The following SLC34A1 variants were observed in gnomAD, a reference collection of about 807,000 sequenced individuals.
SLC34A1 encodes sodium-dependent phosphate transport protein 2A.
Under a neutral mutation model 51.4 loss-of-function variants are expected in SLC34A1, and 57 were observed. The observed-to-expected ratio is 1.11, with a 90% CI of 0.90 to 1.38. SLC34A1 has a LOEUF of 1.38. Among genes scored for constraint, SLC34A1 ranks in the 40% most tolerant of loss-of-function variants. The probability of loss-of-function intolerance (pLI) is 0.00; values close to 1 mark genes in which losing one functional copy is unlikely to be tolerated. For synonymous variants in SLC34A1, 368 were observed against 358.0 expected (o/e 1.03, Z -0.32); for missense variants, 796 against 835.6 (o/e 0.95, Z 0.58).
intron 8 of SLC34A1, among the ~76,000 whole-genome samples, chr5:177,390,923 T>C (rs1561631396): frequency 6.6e-6 from 1 of 152,064 alleles, no homozygotes; most frequent in Non-Finnish European, 1.5e-5. Context: ...TGGGTAGCAT[T>C]ATGGACTTCA....
At chr5:177,391,039 C>T (rs1250073302) in intron 8 of SLC34A1, among the ~76,000 whole-genome samples, 1 of 152,158 alleles carries the variant, frequency 6.6e-6, no homozygotes, top group East Asian at 1.9e-4. Context: ...TGTCCACAGG[C>T]CCATTCTGTT....
rs749835623 is a variant in SLC34A1 at position 177,387,918 on chromosome 5, G to A, written c.644+45G>A. On this transcript the variant is annotated intron_variant, in intron 6 of 12. Transcript: ENST00000324417. ...GGGGGCTCGTGCCTGGGGGAGGACAGCCCCAGATGCCAGGAACCCCAGGCG... is the reference window on the plus strand; with the variant it reads ...GGGGGCTCGTGCCTGGGGGAGGACAACCCCAGATGCCAGGAACCCCAGGCG... 4.4e-6 allele frequency: 7 copies of A among 1,607,658 alleles called. No individual in the cohort carries two copies. In the African/African-American group the frequency reaches 5.3e-5, roughly 12 times the overall value.
chr5:177,387,837 C>A lies in SLC34A1; in HGVS notation c.608C>A (p.Ala203Asp), dbSNP rs751877533. Residue 203 changes from alanine to aspartate, a missense_variant, in exon 6 of 13, where the codon GCC (alanine) becomes GAC (aspartate). Physicochemically the swap from Ala to Asp is moderately radical, Grantham distance 126 (BLOSUM62 -2). Coordinates refer to ENST00000324417, the MANE Select transcript of SLC34A1 (RefSeq NM_003052.5). ...IGTSVTNTIV[A>D]LMQAGDRTDF... Reference sequence around the variant, plus strand: ...ACCTCTGTCACCAACACCATCGTGGCCCTGATGCAGGCGGGGGACAGGACT... The same window carrying A: ...ACCTCTGTCACCAACACCATCGTGGACCTGATGCAGGCGGGGGACAGGACT... 1.2e-6 allele frequency: 2 copies of A among 1,613,658 alleles called. No individual in the cohort carries two copies. Among genetic ancestry groups the A allele is most frequent in the Non-Finnish European group, 1.7e-6 (2 of 1,179,930 alleles).
rs1414228548 is a variant in SLC34A1 at position 177,385,781 on chromosome 5, T to G, written c.40T>G (p.Ser14Ala). The G allele has an allele frequency of 8.1e-6, 13 of 1,613,080 alleles. No homozygotes were observed. The highest frequency in any genetic ancestry group is 1.0e-5 in the Non-Finnish European group (12 of 1,179,816). Residue 14 changes from serine to alanine, a missense_variant, in exon 2 of 13, where the codon TCC becomes GCC. By Grantham distance (99) the Ser-to-Ala change is moderately conservative. Coordinates refer to ENST00000324417, the MANE Select transcript of SLC34A1 (RefSeq NM_003052.5). ...AGAGAGGCTGGGGTCCCCTGCTGTC[T>G]CCCCACTCCCAGTCCGTGGGGGGCA... ...YGERLGSPAVSPLPVRGGHVM... is the reference protein window; with the variant it reads ...YGERLGSPAVAPLPVRGGHVM...
intron 8 of SLC34A1, among the ~76,000 whole-genome samples, chr5:177,392,009 C>G (rs115706230): frequency 1.1e-4 from 17 of 152,226 alleles, no homozygotes; most frequent in African/African-American, 4.1e-4. Context: ...CCCATCGCAG[C>G]CTATTTTTTC....
At chr5:177,385,923 C>T (rs371196387) in intron 2 of SLC34A1, 64 bp from the exon 3 acceptor site, 43 of 1,610,040 alleles carry the variant, frequency 2.7e-5, no homozygotes, top group Non-Finnish European at 3.5e-5. Flanking sequence ...CCACTTCCCC[C>T]GCCTGTTCCT....
intron 5 of SLC34A1, 139 bp from the exon 6 acceptor site, chr5:177,387,623 G>A (rs1482600181): frequency 1.8e-5 from 14 of 757,364 alleles, no homozygotes; most frequent in African/African-American, 3.4e-5. Context: ...CACCTGTGAC[G>A]CCAACGTTAG....
rs1376095112 is a variant in SLC34A1, at chr5:177,398,557, A to G, written c.*271A>G. ...AGGTGTACACAGACACACCTGTGGG[A>G]GGCTGTGTGCAGGCTGCAGGATATC... On this transcript the variant is annotated 3_prime_UTR_variant, in exon 13 of 13. Coordinates refer to ENST00000324417, the MANE Select transcript of SLC34A1 (RefSeq NM_003052.5). This position sits in a 1 kb window ranked among gnomAD's most constrained non-coding sequence, Gnocchi z 4.7. 2 of 568,020 alleles carry G rather than the reference A, an allele frequency of 3.5e-6. No homozygotes were observed. The highest frequency in any genetic ancestry group is 6.4e-6 in the Non-Finnish European group (2 of 312,924). The allele number at this position is 568,020 out of a possible 1,614,324, so 35.2% of individuals were successfully genotyped here.
intron 6 of SLC34A1, 38 bp from the exon 7 acceptor site, chr5:177,387,956 G>A (rs776246588): frequency 6.2e-7 from 1 of 1,611,312 alleles, no homozygotes; most frequent in Non-Finnish European, 8.5e-7. Flanking sequence ...ACTGTGCACT[G>A]GCTCGAGCCT....
intron 12 of SLC34A1, chr5:177,397,288 A>G: frequency 1.7e-6 from 1 of 595,026 alleles, no homozygotes; most frequent in East Asian, 2.9e-5. Context: ...TTACACCAAT[A>G]AATAGCAGTG....
In SLC34A1 at chr5:177,395,763, A is replaced by G. The variant is rs1377904276; in HGVS notation, c.1175-970A>G. ...TCCTCCCACTTCAGTCTCCTGAGTA[A>G]ACTGGGATTACAGGTGTGCACCGCC... is the stretch of plus-strand genomic sequence containing the variant. On this transcript the variant is annotated intron_variant, in intron 10 of 12. Coordinates refer to ENST00000324417, the MANE Select transcript of SLC34A1 (RefSeq NM_003052.5). Among the ~76,000 whole-genome samples, 3 of 152,096 alleles carry G rather than the reference A, an allele frequency of 2.0e-5. No homozygotes were observed. In the East Asian group the frequency reaches 5.8e-4, roughly 29 times the overall value.
chr5:177,397,176 T>C (rs1762999166), intron 12 of SLC34A1, 102 bp downstream of exon 12: 1 of 1,451,496 alleles, frequency 6.9e-7, no homozygotes, highest in Non-Finnish European at 9.4e-7. Flanking sequence ...TTTGACTGCC[T>C]ACTAAGGGCC....
In SLC34A1 at chr5:177,386,496, C is replaced by T. The variant is rs774666109; in HGVS notation, c.462C>T (p.Ile154=). ...SNPVAGLVVG[I]LVTVLVQSSS... is the part of the protein sequence containing the mutation. ...CGGTGGCCGGGCTGGTGGTGGGGAT[C>T]CTGGTGACCGTGCTGGTGCAGAGCT... Residue 154 remains isoleucine (I), a synonymous_variant, in exon 5 of 13, where the codon ATC becomes ATT. Transcript: ENST00000324417. This position sits in a 1 kb window ranked among gnomAD's most constrained non-coding sequence, Gnocchi z 4.8. The T allele has an allele frequency of 6.2e-7, 1 of 1,614,168 alleles. No individual in the cohort carries two copies.
chr5:177,397,676 T>C, intron 12 of SLC34A1, 107 bp from the exon 13 acceptor site: 2 of 1,497,912 alleles, frequency 1.3e-6, no homozygotes, highest in Non-Finnish European at 1.8e-6. Flanking sequence ...GTGGAAACTT[T>C]CCTGCTGCCC....
At chr5:177,389,598 T>C in intron 8 of SLC34A1, 1 of 1,536,274 alleles carries the variant, frequency 6.5e-7, no homozygotes, top group South Asian at 1.2e-5. Context: ...CTGAGCACTC[T>C]TAGTGCTCTC....
At chr5:177,390,632 G>C (rs996708839) in intron 8 of SLC34A1, 1 of 152,932 alleles carries the variant, frequency 6.5e-6, no homozygotes, top group Non-Finnish European at 1.5e-5. Flanking sequence ...GACGACTCCA[G>C]AGATAGCGGG....
In SLC34A1 at chr5:177,385,820, A is replaced by T; in HGVS notation, c.79A>T (p.Thr27Ser). The T allele has an allele frequency of 6.2e-7, 1 of 1,613,376 alleles. No homozygotes were observed. Among genetic ancestry groups the T allele is most frequent in the Admixed American group, 1.7e-5 (1 of 59,994 alleles). ...CCGTGGGGGGCATGTGATGCGAGGG[A>T]CGGCCTTTGCCTACGTGCCCAGCCC... Reference protein sequence around the residue: ...PVRGGHVMRGTAFAYVPSPQV... With the variant: ...PVRGGHVMRGSAFAYVPSPQV... The change falls in exon 2 of 13, where the codon ACG (threonine) becomes TCG (serine). Residue 27 changes from threonine to serine, a missense_variant. Thr to Ser is a moderately conservative substitution (Grantham distance 58, BLOSUM62 1). Coordinates refer to ENST00000324417, the MANE Select transcript of SLC34A1 (RefSeq NM_003052.5).
intron 8 of SLC34A1, among the ~76,000 whole-genome samples, chr5:177,391,509 C>T (rs1055712453): frequency 2.0e-5 from 3 of 152,228 alleles, no homozygotes; most frequent in Admixed American, 6.5e-5. Context: ...GTCAGTGGGG[C>T]ACACGTTGAC....
At position 177,386,349 on chromosome 5, in the gene SLC34A1, G is replaced by A; in HGVS notation, c.388G>A (p.Gly130Arg). Residue 130 changes from glycine (G) to arginine (R), a missense_variant and splice_region_variant, in exon 4 of 13, where the codon GGG becomes AGG. By Grantham distance (125) the Gly-to-Arg change is moderately radical. Transcript: ENST00000324417. The surrounding 1 kb of genome is among the most constrained non-coding windows in gnomAD (Gnocchi z 4.8). ...CAGCTCGGCCTTCCAGCTGGCTGGAGGTAGGGCCCGGGTGGAGGAGACCTG... is the reference window on the plus strand; with the variant it reads ...CAGCTCGGCCTTCCAGCTGGCTGGAAGTAGGGCCCGGGTGGAGGAGACCTG... ...MLSSAFQLAG[G>R]KVAGDIFKDN... 6.2e-7 allele frequency: 1 copy of A among 1,614,278 alleles called. No homozygotes were observed. Among genetic ancestry groups the A allele is most frequent in the Non-Finnish European group, 8.5e-7 (1 of 1,180,052 alleles).
Sources: gnomAD v4.1 joint callset for allele counts (sites outside exome capture counted in the v4.1 genomes callset) on GRCh38, gnomAD v4.1.1 for gene constraint, Gnocchi (gnomAD v3.1) non-coding constraint, MANE v1.5 for transcripts, NCBI Gene and HGNC (gene_info 2026-07-23, HGNC 2026-07-21) for gene names.